The following IQCM variants were observed in gnomAD, a reference collection of about 807,000 sequenced individuals.
IQCM encodes IQ motif containing M.
A neutral mutation model predicts 57.6 loss-of-function variants in IQCM; 45 were observed. The ratio of observed to expected loss-of-function variants is 0.78; its 90% CI spans 0.62 to 1.00. The LOEUF (loss-of-function observed/expected upper bound fraction) is 1.00. IQCM is among the 50% of genes least tolerant of loss of function. IQCM has a pLI of 0.00. For synonymous variants in IQCM, 148 were observed against 158.9 expected, an observed-to-expected ratio of 0.93 and a Z score of 0.51; for missense variants, 468 against 511.6, an observed-to-expected ratio of 0.91 and a Z score of 0.82.
chr4:149,656,772 C>A (rs1324807176), intron 7 of IQCM, among the ~76,000 whole-genome samples: 1 of 151,986 alleles, frequency 6.6e-6, no homozygotes, highest in African/African-American at 2.4e-5. Context: ...AATTCTCTTA[C>A]AAGCCTTGAG....
Position 149,596,999 on chromosome 4 carries a change from G to A in IQCM, c.682-9002C>T, listed in dbSNP as rs1219531743. On this transcript the variant is annotated intron_variant, in intron 8 of 13. Transcript: ENST00000636793. ...GAACCTACATATTCAGAACCTCAAA[G>A]ACTAAATATACTGTAATTATTATGT... Among the ~76,000 whole-genome samples, 4 of 151,900 alleles carry A rather than the reference G, an allele frequency of 2.6e-5. No individual in the cohort carries two copies. The East Asian group carries it at 7.7e-4, about 29-fold the overall frequency.
chr4:149,357,544 C>T (rs537008055), intron 13 of IQCM, among the ~76,000 whole-genome samples: 2 of 152,206 alleles, frequency 1.3e-5, no homozygotes, highest in Middle Eastern at 3.4e-3. Flanking sequence ...TGATGGATTA[C>T]GTTTATTGAT....
intron 7 of IQCM, among the ~76,000 whole-genome samples, chr4:149,649,935 A>G (rs1434542646): frequency 6.6e-6 from 1 of 152,204 alleles, no homozygotes; most frequent in African/African-American, 2.4e-5. Flanking sequence ...CATAAAGAGA[A>G]CAATGTTTGT....
intron 9 of IQCM, among the ~76,000 whole-genome samples, chr4:149,572,422 G>C (rs1751245452): frequency 6.6e-6 from 1 of 151,794 alleles, no homozygotes; most frequent in Admixed American, 6.6e-5. Flanking sequence ...AAGTAGCTGG[G>C]TCTACAGGTA....
intron 12 of IQCM, among the ~76,000 whole-genome samples, chr4:149,515,921 C>T (rs751484008): frequency 1.3e-5 from 2 of 152,162 alleles, no homozygotes; most frequent in Non-Finnish European, 2.9e-5. Context: ...CTGGTGACCT[C>T]AGAATAGAGG....
chr4:149,503,961 C>T (rs987911590), intron 12 of IQCM, among the ~76,000 whole-genome samples: 1 of 151,970 alleles, frequency 6.6e-6, no homozygotes, highest in Admixed American at 6.6e-5. Context: ...GACAATCACA[C>T]AAATTAAACA....
intron 7 of IQCM, among the ~76,000 whole-genome samples, chr4:149,658,557 G>C (rs1425948340): frequency 3.3e-5 from 5 of 151,262 alleles, no homozygotes; most frequent in African/African-American, 9.7e-5. Context: ...ATTTTCATAG[G>C]GTTGCTTCAG....
intron 8 of IQCM, among the ~76,000 whole-genome samples, chr4:149,612,638 T>C (rs1279514819): frequency 6.6e-6 from 1 of 152,128 alleles, no homozygotes; most frequent in African/African-American, 2.4e-5. Context: ...AGCGGGTTTT[T>C]TTGGTAACTA....
chr4:149,773,078 G>C (rs1418728578), intron 2 of IQCM, among the ~76,000 whole-genome samples: 1 of 152,202 alleles, frequency 6.6e-6, no homozygotes, highest in Non-Finnish European at 1.5e-5. Context: ...TCGGCCGGGC[G>C]TGGTGGCTCA....
intron 7 of IQCM, among the ~76,000 whole-genome samples, chr4:149,652,073 T>C (rs1050373767): frequency 6.6e-6 from 1 of 152,080 alleles, no homozygotes; most frequent in African/African-American, 2.4e-5. Context: ...AATAATAGAC[T>C]GGATAAAGAA....
intron 7 of IQCM, among the ~76,000 whole-genome samples, chr4:149,637,519 TG>T (rs1757832648): frequency 6.6e-6 from 1 of 152,062 alleles, no homozygotes; most frequent in Non-Finnish European, 1.5e-5. Context: ...TTCTGAAAAT[TG>T]ACAAGATAAT....
intron 8 of IQCM, among the ~76,000 whole-genome samples, chr4:149,608,972 A>G (rs1352285738): frequency 6.6e-6 from 1 of 151,764 alleles, no homozygotes; most frequent in Non-Finnish European, 1.5e-5. Context: ...GTATCTTAAA[A>G]GGACAACAAA....
chr4:149,815,443 T>A (rs903423580), intron 1 of IQCM, 95 bp from the exon 2 acceptor site: 5 of 151,984 alleles, frequency 3.3e-5, no homozygotes, highest in South Asian at 2.1e-4. Flanking sequence ...AGCAAAAAAA[T>A]TTATAAACAT....
intron 13 of IQCM, among the ~76,000 whole-genome samples, chr4:149,416,827 A>G (rs1733782091): frequency 6.6e-6 from 1 of 152,152 alleles, no homozygotes; most frequent in Non-Finnish European, 1.5e-5. Flanking sequence ...AATAGTCCAA[A>G]CTAGAGTTAA....
intron 5 of IQCM, among the ~76,000 whole-genome samples, chr4:149,701,199 G>A (rs1763744567): frequency 6.6e-6 from 1 of 152,004 alleles, no homozygotes; most frequent in African/African-American, 2.4e-5. Context: ...GAGGAAACCT[G>A]AGAAGGGAGC....
intron 13 of IQCM, among the ~76,000 whole-genome samples, chr4:149,422,773 T>C (rs1734202066): frequency 6.6e-6 from 1 of 152,032 alleles, no homozygotes; most frequent in Non-Finnish European, 1.5e-5. Context: ...TAATACCTCC[T>C]AACTGGCTCT....
chr4:149,376,509 T>G (rs1730709564), intron 13 of IQCM, among the ~76,000 whole-genome samples: 1 of 152,124 alleles, frequency 6.6e-6, no homozygotes, highest in Non-Finnish European at 1.5e-5. Flanking sequence ...CCTCCTAATA[T>G]TAGCTTTCTC....
chr4:149,720,290 G>A (rs956836739), intron 5 of IQCM, among the ~76,000 whole-genome samples: 1 of 152,088 alleles, frequency 6.6e-6, no homozygotes, highest in African/African-American at 2.4e-5. Context: ...TGTTTCAATT[G>A]CTTCTAAATC....
intron 12 of IQCM, among the ~76,000 whole-genome samples, chr4:149,518,428 T>C (rs1008699832): frequency 3.3e-5 from 5 of 152,190 alleles, no homozygotes; most frequent in African/African-American, 1.2e-4. Context: ...CTCTGATATG[T>C]AGGAATCCTG....
Sources: gnomAD v4.1 joint callset for allele counts (sites outside exome capture counted in the v4.1 genomes callset) on GRCh38, gnomAD v4.1.1 for gene constraint, MANE v1.5 for transcripts, NCBI Gene and HGNC (gene_info 2026-07-23, HGNC 2026-07-21) for gene names.